Variants in PI4KB observed in about 807,000 individuals in gnomAD.
PI4KB encodes the protein phosphatidylinositol 4-kinase beta.
Under a neutral mutation model 81.4 loss-of-function variants are expected in PI4KB, and 23 were observed. The observed-to-expected ratio is 0.28, with a 90% CI of 0.20 to 0.40. The LOEUF (loss-of-function observed/expected upper bound fraction) is 0.40, where lower values mean the gene tolerates loss of function less well. Among genes scored for constraint, PI4KB ranks in the 10% least tolerant of loss-of-function variants. PI4KB has a pLI of 1.00. For missense variants in PI4KB, 651 were observed against 1,036.6 expected (o/e 0.63, Z 5.11); for synonymous variants, 381 against 406.8 (o/e 0.94, Z 0.76).
intron 11 of PI4KB, chr1:151,293,513 C>T: frequency 2.2e-6 from 2 of 913,998 alleles, no homozygotes; most frequent in South Asian, 3.5e-5. Flanking sequence ...GCAGTTCAGA[C>T]CTGGTATACA....
chr1:151,295,537 T>G (rs1364342642), intron 9 of PI4KB, among the ~76,000 whole-genome samples: 1 of 152,220 alleles, frequency 6.6e-6, no homozygotes, highest in Non-Finnish European at 1.5e-5. Flanking sequence ...CAAGGTGCCA[T>G]AGCCTCTCTT....
chr1:151,305,945 T>C (rs1170061269), intron 5 of PI4KB, among the ~76,000 whole-genome samples, 191 bp downstream of exon 5: 2 of 152,180 alleles, frequency 1.3e-5, no homozygotes, highest in African/African-American at 4.8e-5. Context: ...ACCTGGAAAA[T>C]GAACTCCACC....
intron 11 of PI4KB, 52 bp from the exon 12 acceptor site, chr1:151,293,085 G>A: frequency 6.3e-7 from 1 of 1,597,006 alleles, no homozygotes; most frequent in Non-Finnish European, 8.5e-7. Context: ...AGGGGCAGTG[G>A]TGTCAGCCAT....
Position 151,325,060 on chromosome 1 carries a change from C to T in PI4KB, c.-29+2211G>A, listed in dbSNP as rs903739155. ...AGGCTGGAGTGCAGTGGCGTGATCTCGGCTCACTGCAACCTTCGCCTCCTG... is the reference window on the plus strand; with the variant it reads ...AGGCTGGAGTGCAGTGGCGTGATCTTGGCTCACTGCAACCTTCGCCTCCTG... On this transcript the variant is annotated intron_variant, in intron 1 of 11. Transcript: ENST00000368873. 4.0e-5 allele frequency: 8 copies of T among 197,866 alleles called. No individual in the cohort carries two copies. In the South Asian group the frequency reaches 8.8e-4, roughly 22 times the overall value. 12.3% of individuals were successfully genotyped at this position (197,866 alleles called of 1,614,324 possible). A position where few individuals can be genotyped will look rare whatever the true frequency, so the allele number is the denominator to read the frequency against.
intron 9 of PI4KB, among the ~76,000 whole-genome samples, chr1:151,297,898 T>C (rs587758939): frequency 6.6e-6 from 1 of 152,270 alleles, no homozygotes; most frequent in East Asian, 1.9e-4. Context: ...GCACTGGCCA[T>C]TGCATTTCCA....
chr1:151,315,551 C>G, intron 2 of PI4KB, 22 bp downstream of exon 2: 1 of 1,579,660 alleles, frequency 6.3e-7, no homozygotes, highest in Non-Finnish European at 8.7e-7. Context: ...CCTTTTGTCT[C>G]TGGCCCTCCC....
chr1:151,311,055 C>T (rs1696177596), intron 2 of PI4KB, among the ~76,000 whole-genome samples: 1 of 152,176 alleles, frequency 6.6e-6, no homozygotes, highest in Non-Finnish European at 1.5e-5. Context: ...CTGTCCTAGT[C>T]CCAGCCCAGA....
Position 151,294,462 on chromosome 1 carries a change from G to A in PI4KB, c.2095C>T (p.Arg699Ter). 6.2e-7 allele frequency: 1 copy of A among 1,613,802 alleles called. No homozygotes were observed. The highest frequency in any genetic ancestry group is 8.5e-7 in the Non-Finnish European group (1 of 1,179,972). Residue 699 changes from arginine to a stop codon, truncating the protein, a stop_gained, in exon 10 of 12, where the codon CGA becomes TGA. Transcript: ENST00000368873. LOFTEE classifies it high-confidence loss of function. ...GCTGACGTCTCAAAGCCCAGATTTC[G>A]GGGTGAGCTGGAGAGGATGAAGCCA... ...DFGFILSSSP[R>*]NLGFETSAFK... is the part of the protein sequence containing the mutation.
At chr1:151,319,736 C>T (rs778628275) in intron 1 of PI4KB, among the ~76,000 whole-genome samples, 1 of 152,198 alleles carries the variant, frequency 6.6e-6, no homozygotes, top group African/African-American at 2.4e-5. Context: ...ATCAACCTGG[C>T]TCCAGAATCT....
At chr1:151,293,487 G>A in intron 11 of PI4KB, 1 of 1,135,336 alleles carries the variant, frequency 8.8e-7, no homozygotes, top group African/African-American at 1.7e-5. Flanking sequence ...CAGGAATGGG[G>A]AGGAGGGGGA....
At chr1:151,308,682 T>C (rs78063048) in intron 3 of PI4KB, among the ~76,000 whole-genome samples, 2,341 of 152,174 alleles carry the variant, frequency 0.015, 68 homozygotes, top group African/African-American at 0.053. Flanking sequence ...GGAATTAAGG[T>C]GCAGGTGGGG....
intron 8 of PI4KB, chr1:151,300,621 T>C (rs1421618955): frequency 6.6e-6 from 1 of 151,180 alleles, no homozygotes; most frequent in African/African-American, 2.4e-5. Flanking sequence ...AAAAATAAAA[T>C]AAGGAAAAAA....
intron 5 of PI4KB, among the ~76,000 whole-genome samples, chr1:151,305,621 T>A (rs1695693444): frequency 6.6e-6 from 1 of 152,184 alleles, no homozygotes; most frequent in Non-Finnish European, 1.5e-5. Flanking sequence ...GGTGCTCTTA[T>A]AATGTCCTAT....
At chr1:151,322,090 A>G (rs1309017817) in intron 1 of PI4KB, among the ~76,000 whole-genome samples, 1 of 152,056 alleles carries the variant, frequency 6.6e-6, no homozygotes, top group Non-Finnish European at 1.5e-5. Flanking sequence ...GAGGCTCTAC[A>G]CTTCACACTG....
At chr1:151,310,295 G>A (rs1303460050) in intron 2 of PI4KB, 40 bp from the exon 3 acceptor site, 1 of 1,203,112 alleles carries the variant, frequency 8.3e-7, no homozygotes, top group Non-Finnish European at 1.2e-6. Flanking sequence ...AGGAGGGGGT[G>A]GGAAGGGAGG....
chr1:151,325,993 C>T (rs1423689821), intron 1 of PI4KB, among the ~76,000 whole-genome samples: 3 of 152,108 alleles, frequency 2.0e-5, no homozygotes, highest in African/African-American at 7.2e-5. Flanking sequence ...TTCCTTTTTC[C>T]AGTTATACCC....
chr1:151,306,100 C>T, intron 5 of PI4KB, 36 bp downstream of exon 5: 1 of 1,539,012 alleles, frequency 6.5e-7, no homozygotes, highest in Non-Finnish European at 9.0e-7. Flanking sequence ...GAGAAAGCTC[C>T]TGTGACCCAG....
intron 1 of PI4KB, among the ~76,000 whole-genome samples, chr1:151,325,215 A>G (rs1649447465): frequency 6.6e-6 from 1 of 151,268 alleles, no homozygotes; most frequent in Non-Finnish European, 1.5e-5. Context: ...CTGGTCTTGA[A>G]CTCCTGACCT....
At chr1:151,301,408 T>TTTTTA (rs1695267351) in intron 8 of PI4KB, among the ~76,000 whole-genome samples, 1 of 151,702 alleles carries the variant, frequency 6.6e-6, no homozygotes, top group Admixed American at 6.6e-5. Context: ...TTTTATTTTT[T>TTTTTA]TTTTTTTGAG....
Sources: gnomAD v4.1 joint callset for allele counts (sites outside exome capture counted in the v4.1 genomes callset) on GRCh38, gnomAD v4.1.1 for gene constraint, MANE v1.5 for transcripts, NCBI Gene and HGNC (gene_info 2026-07-23, HGNC 2026-07-21) for gene names.